The following ZNF746 variants were observed in gnomAD, a reference collection of about 807,000 sequenced individuals.
The protein encoded by ZNF746 is zinc finger protein 746, also known as parkin-interacting substrate.
A neutral mutation model predicts 41.0 loss-of-function variants in ZNF746; 13 were observed. The ratio of observed to expected loss-of-function variants is 0.32; its 90% CI spans 0.21 to 0.50. The LOEUF is 0.50. Ranked by LOEUF, ZNF746 falls within the 20% of genes least tolerant of loss-of-function variation. ZNF746 has a pLI of 0.98. For missense variants in ZNF746, 811 were observed against 922.9 expected (o/e 0.88, Z 1.57); for synonymous variants, 424 against 396.2 (o/e 1.07, Z -0.83).
Position 149,475,197 on chromosome 7 carries a change from G to A in ZNF746, c.1170C>T (p.Phe390=), listed in dbSNP as rs1166152720. The A allele has an allele frequency of 3.1e-6, 5 of 1,612,624 alleles. No individual in the cohort carries two copies. In the African/African-American group the frequency reaches 4.0e-5, roughly 13 times the overall value. ...QEETPPGDWL[F]GGVRWGWNFR... ...AATTCCAGCCCCACCGGACCCCTCC[G>A]AAGAGCCAGTCCCCAGGAGGGGTCT... is the stretch of plus-strand genomic sequence containing the variant. Residue 390 remains phenylalanine (F), a synonymous_variant, in exon 7 of 7, where the codon TTC becomes TTT. Transcript: ENST00000458143.
chr7:149,475,695 G>C (rs999707289), intron 6 of ZNF746, among the ~76,000 whole-genome samples: 1 of 152,166 alleles, frequency 6.6e-6, no homozygotes, highest in Admixed American at 6.5e-5. Flanking sequence ...CTTCACCACA[G>C]GACAAGCCAC....
In ZNF746 at chr7:149,494,324, C is replaced by T. The variant is rs201398017; in HGVS notation, c.204G>A (p.Gly68=). 132 of 1,613,662 alleles carry T rather than the reference C, an allele frequency of 8.2e-5. No homozygotes were observed. In the East Asian group the frequency reaches 1.9e-3, roughly 23 times the overall value. ...NQLEGKWAVL[G]TLLQEYGLLQ... Reference sequence around the variant, plus strand: ...GCAGCCCGTACTCCTGCAGCAGGGTCCCCAGCACGGCCCACTTGCCCTCCA... The same window carrying T: ...GCAGCCCGTACTCCTGCAGCAGGGTTCCCAGCACGGCCCACTTGCCCTCCA... The change falls in exon 2 of 7, where the codon GGG becomes GGA. Residue 68 remains glycine (G), a synonymous_variant. Coordinates refer to ENST00000458143, the MANE Select transcript of ZNF746 (RefSeq NM_001394198.1). This position sits in a 1 kb window ranked among gnomAD's most constrained non-coding sequence, Gnocchi z 5.6.
At chr7:149,478,496 T>C (rs1353121222) in intron 4 of ZNF746, among the ~76,000 whole-genome samples, 7 of 152,106 alleles carry the variant, frequency 4.6e-5, no homozygotes, top group Admixed American at 6.5e-5. Flanking sequence ...CACCATAAAC[T>C]GAGAAATTCA....
intron 4 of ZNF746, among the ~76,000 whole-genome samples, chr7:149,485,969 G>A (rs914643942): frequency 9.9e-5 from 15 of 152,044 alleles, no homozygotes; most frequent in Non-Finnish European, 1.9e-4. Flanking sequence ...AACCCAGGAG[G>A]CGGAGGTTGC....
At chr7:149,493,753 C>T (rs1346673224) in intron 3 of ZNF746, among the ~76,000 whole-genome samples, 2 of 152,188 alleles carry the variant, frequency 1.3e-5, no homozygotes, top group Admixed American at 6.5e-5. Flanking sequence ...CCCGGGCCTG[C>T]GTAGGAGAGA....
chr7:149,491,870 T>G (rs779768522), intron 4 of ZNF746: 8 of 701,004 alleles, frequency 1.1e-5, no homozygotes, highest in East Asian at 8.0e-5. Context: ...CTTTAGGAAT[T>G]TGGTTTTTCT....
At chr7:149,488,663 C>A (rs1289734543) in intron 4 of ZNF746, 1 of 152,224 alleles carries the variant, frequency 6.6e-6, no homozygotes, top group African/African-American at 2.4e-5. Flanking sequence ...CCATCTCACC[C>A]CCATCAGGTC....
intron 6 of ZNF746, 70 bp downstream of exon 6, chr7:149,476,852 G>A: frequency 1.2e-6 from 2 of 1,606,252 alleles, no homozygotes; most frequent in Non-Finnish European, 1.7e-6. Context: ...CAGTGAAAAT[G>A]GGATGCCTGG....
At chr7:149,478,179 AAC>A (rs1800376854) in intron 4 of ZNF746, among the ~76,000 whole-genome samples, 3 of 150,170 alleles carry the variant, frequency 2.0e-5, no homozygotes, top group African/African-American at 4.9e-5. Context: ...AATGACAGAG[AAC>A]ACACAGAGTC....
At position 149,474,821 on chromosome 7, in the gene ZNF746, C is replaced by T. The variant is rs780701054; in HGVS notation, c.1546G>A (p.Gly516Ser). Residue 516 changes from glycine (G) to serine (S), a missense_variant, in exon 7 of 7, where the codon GGT (glycine) becomes AGT (serine). Gly to Ser is a moderately conservative substitution (Grantham distance 56). This residue lies in a region of ZNF746 where 495 missense variants were observed against 481.6 expected (regional missense o/e 1.03). Coordinates refer to ENST00000458143, the MANE Select transcript of ZNF746 (RefSeq NM_001394198.1). This position sits in a 1 kb window ranked among gnomAD's most constrained non-coding sequence, Gnocchi z 6.3. ...SGSGGGGGGSGGGSARDGSAL... is the reference protein window; with the variant it reads ...SGSGGGGGGSSGGSARDGSAL... ...CTGCCATCCCGTGCGCTGCCCCCAC[C>T]GCTGCCGCCACCGCCGCCGCCACTG... The T allele has an allele frequency of 7.7e-6, 11 of 1,437,470 alleles. No individual in the cohort carries two copies. In the South Asian group the frequency reaches 1.3e-4, roughly 17 times the overall value. The allele number at this position is 1,437,470 out of a possible 1,614,324, so 89.0% of individuals were successfully genotyped here. A position where few individuals can be genotyped will look rare whatever the true frequency, so the allele number is the denominator to read the frequency against.
At chr7:149,484,986 A>G (rs2116660597) in intron 4 of ZNF746, among the ~76,000 whole-genome samples, 1 of 152,182 alleles carries the variant, frequency 6.6e-6, no homozygotes, top group Non-Finnish European at 1.5e-5. Flanking sequence ...TATTTTTATT[A>G]CTGATAATTC....
At chr7:149,493,236 C>T (rs758451543) in intron 3 of ZNF746, among the ~76,000 whole-genome samples, 1 of 152,170 alleles carries the variant, frequency 6.6e-6, no homozygotes, top group Non-Finnish European at 1.5e-5. Flanking sequence ...TCCTACAATG[C>T]AGAGGATGCC....
intron 4 of ZNF746, among the ~76,000 whole-genome samples, chr7:149,480,194 C>G (rs1226678126): frequency 1.3e-5 from 2 of 152,134 alleles, no homozygotes; most frequent in Non-Finnish European, 2.9e-5. Context: ...TTACACATCA[C>G]CATCTCGAGA....
Position 149,494,148 on chromosome 7 carries a change from C to CACAA in ZNF746, c.325-34_325-33insTTGT. ...CACAAGTGTCACACTCGCTCACCCA[C>CACAA]ACGCTCACGGGTTTGGCCGCTTGGG... On this transcript the variant is annotated intron_variant, in intron 2 of 6. Transcript: ENST00000458143. This position sits in a 1 kb window ranked among gnomAD's most constrained non-coding sequence, Gnocchi z 5.6. The CACAA allele has an allele frequency of 6.2e-7, 1 of 1,614,116 alleles. No individual in the cohort carries two copies. The highest frequency in any genetic ancestry group is 8.5e-7 in the Non-Finnish European group (1 of 1,179,952).
chr7:149,496,937 T>C (rs1801018389), intron 1 of ZNF746: 2 of 985,092 alleles, frequency 2.0e-6, no homozygotes, highest in South Asian at 4.7e-5. Context: ...GGCCCCGGGT[T>C]TTTCTTTTGT....
intron 4 of ZNF746, chr7:149,488,551 T>A (rs1232923625): frequency 6.6e-6 from 1 of 151,604 alleles, no homozygotes; most frequent in East Asian, 1.9e-4. Context: ...ATGAAGAATA[T>A]CTCAATAGAA....
rs532424930 is a variant in ZNF746 at position 149,474,360 on chromosome 7, C to A, written c.*24G>T. ...CGGGGCTTTTTACACGTGCGGCCGGCAGGGGCTATGGGGCTGGAGGCGCTC... is the reference window on the plus strand; with the variant it reads ...CGGGGCTTTTTACACGTGCGGCCGGAAGGGGCTATGGGGCTGGAGGCGCTC... On this transcript the variant is annotated 3_prime_UTR_variant, in exon 7 of 7. Transcript: ENST00000458143. The surrounding 1 kb of genome is among the most constrained non-coding windows in gnomAD (Gnocchi z 6.3). 5 of 1,588,528 alleles carry A rather than the reference C, an allele frequency of 3.1e-6. No individual in the cohort carries two copies. The South Asian group carries it at 5.7e-5, about 18-fold the overall frequency.
At position 149,473,318 on chromosome 7, in the gene ZNF746, G is replaced by C. The variant is rs376587259; in HGVS notation, c.*1066C>G. On this transcript the variant is annotated 3_prime_UTR_variant, in exon 7 of 7. Coordinates refer to ENST00000458143, the MANE Select transcript of ZNF746 (RefSeq NM_001394198.1). ...GTTCACCCACAGTGATGTTCCAGTA[G>C]AATGAGGCATCTCGCCTGTTGCTCT... The C allele has an allele frequency of 1.3e-5, 2 of 152,172 alleles. No individual in the cohort carries two copies. Among genetic ancestry groups the C allele is most frequent in the Non-Finnish European group, 2.9e-5 (2 of 68,056 alleles). 9.4% of individuals were successfully genotyped at this position (152,172 alleles called of 1,614,324 possible). A position where few individuals can be genotyped will look rare whatever the true frequency, so the allele number is the denominator to read the frequency against.
chr7:149,481,892 T>C (rs1800494721), intron 4 of ZNF746, among the ~76,000 whole-genome samples: 1 of 152,100 alleles, frequency 6.6e-6, no homozygotes, highest in African/African-American at 2.4e-5. Context: ...TCAATGTAAA[T>C]GGTCTAGACC....
Sources: allele counts gnomAD v4.1 joint callset (sites outside exome capture counted in the v4.1 genomes callset), GRCh38; gene constraint gnomAD v4.1.1; regional missense constraint gnomAD v4.1.1; non-coding constraint Gnocchi (gnomAD v3.1); transcripts MANE v1.5; gene names NCBI Gene and HGNC (gene_info 2026-07-23, HGNC 2026-07-21).